The following EPN2 variants were observed in gnomAD, a reference collection of about 807,000 sequenced individuals.
EPN2 encodes the protein epsin 2.
Under a neutral mutation model 61.7 loss-of-function variants are expected in EPN2, and 34 were observed. The ratio of observed to expected loss-of-function variants is 0.55; its 90% CI spans 0.42 to 0.73. The LOEUF (loss-of-function observed/expected upper bound fraction) is 0.73, where lower values mean the gene tolerates loss of function less well. Ranked by LOEUF, EPN2 falls within the 30% of genes least tolerant of loss-of-function variation. EPN2 has a pLI of 0.00. For missense variants in EPN2, 714 were observed against 839.2 expected (o/e 0.85, Z 1.84); for synonymous variants, 349 against 353.6 (o/e 0.99, Z 0.15).
intron 7 of EPN2, among the ~76,000 whole-genome samples, chr17:19,321,435 G>A (rs1041672701): frequency 6.6e-6 from 1 of 152,166 alleles, no homozygotes; most frequent in East Asian, 1.9e-4. Context: ...ACTGGAGTTG[G>A]GGACACTTTG....
In EPN2 at chr17:19,328,893, C is replaced by T. The variant is rs1907028617; in HGVS notation, c.1324+6C>T. ...CAAGCCCGTGTCTGTCTCTGGTGAG[C>T]CCCTCACTCACCCACTTTCCTGCCT... On this transcript the variant is annotated splice_donor_region_variant and intron_variant, in intron 8 of 10. Coordinates refer to ENST00000314728, the MANE Select transcript of EPN2 (RefSeq NM_014964.5). 5.0e-6 allele frequency: 8 copies of T among 1,602,180 alleles called. No homozygotes were observed. The highest frequency in any genetic ancestry group is 1.3e-5 in the African/African-American group (1 of 74,746).
At chr17:19,270,263 C>G (rs1344581549) in intron 1 of EPN2, among the ~76,000 whole-genome samples, 5 of 152,244 alleles carry the variant, frequency 3.3e-5, no homozygotes, top group African/African-American at 9.6e-5. Flanking sequence ...TCTTACTGCT[C>G]TTTTAATTCT....
At chr17:19,259,937 A>G (rs976978826) in intron 1 of EPN2, among the ~76,000 whole-genome samples, 1 of 152,080 alleles carries the variant, frequency 6.6e-6, no homozygotes, top group Admixed American at 6.6e-5. Flanking sequence ...CCTGTTGCAT[A>G]CCCACCTCGT....
intron 2 of EPN2, chr17:19,282,286 T>TTAG (rs1490823306): frequency 2.0e-5 from 3 of 152,194 alleles, no homozygotes; most frequent in Admixed American, 2.0e-4. Flanking sequence ...AGAATTGCTG[T>TTAG]TAGGAATCTT....
chr17:19,244,726 C>T (rs947540878), intron 1 of EPN2, among the ~76,000 whole-genome samples: 1 of 151,882 alleles, frequency 6.6e-6, no homozygotes. Context: ...TTCCTGTGTG[C>T]GAGGCCTTAT....
chr17:19,334,360 G>T lies in EPN2; in HGVS notation c.*106G>T. 1.1e-6 allele frequency: 1 copy of T among 903,764 alleles called. No homozygotes were observed. The highest frequency in any genetic ancestry group is 3.2e-5 in the East Asian group (1 of 31,194). The allele number at this position is 903,764 out of a possible 1,614,324, so 56.0% of individuals were successfully genotyped here. ...GAGTTTGGGGATTAGGGGTATTAGG[G>T]CTTTTCAGCTCCAGCTTCCTGATGA... On this transcript the variant is annotated 3_prime_UTR_variant, in exon 11 of 11. Transcript: ENST00000314728. The surrounding 1 kb of genome is among the most constrained non-coding windows in gnomAD (Gnocchi z 4.9).
chr17:19,283,319 A>G lies in EPN2; in HGVS notation c.200A>G (p.His67Arg). 6.2e-7 allele frequency: 1 copy of G among 1,614,144 alleles called. No individual in the cohort carries two copies. Among genetic ancestry groups the G allele is most frequent in the Non-Finnish European group, 8.5e-7 (1 of 1,180,014 alleles). The change falls in exon 3 of 11, where the codon CAT becomes CGT. Residue 67 changes from histidine to arginine, a missense_variant. Physicochemically the swap from His to Arg is conservative, Grantham distance 29 (BLOSUM62 0). Around this residue, in one of 2 missense-constraint regions of EPN2, gnomAD observed 304 missense variants for 417.4 expected, o/e 0.73. Transcript: ENST00000314728. The surrounding 1 kb of genome is among the most constrained non-coding windows in gnomAD (Gnocchi z 7.0). ...ATGGTGTGGAAGCGGCTGAATGACC[A>G]TGGCAAGAACTGGCGGCATGTGTAC... Reference protein sequence around the residue: ...MSMVWKRLNDHGKNWRHVYKA... With the variant: ...MSMVWKRLNDRGKNWRHVYKA...
At chr17:19,256,419 CAAAAAAAAA>C (rs61210278) in intron 1 of EPN2, among the ~76,000 whole-genome samples, 2 of 67,974 alleles carry the variant, frequency 2.9e-5, no homozygotes, top group African/African-American at 4.9e-5. Context: ...GACCCTGTCT[CAAAAAAAAA>C]AAAAAAAAAA....
intron 1 of EPN2, among the ~76,000 whole-genome samples, chr17:19,252,934 A>C (rs889523304): frequency 6.6e-6 from 1 of 152,178 alleles, no homozygotes; most frequent in Admixed American, 6.5e-5. Flanking sequence ...TGAGTGCAAG[A>C]GATCTGCCTG....
intron 1 of EPN2, among the ~76,000 whole-genome samples, chr17:19,266,786 A>G (rs113252380): frequency 6.6e-5 from 10 of 152,140 alleles, no homozygotes; most frequent in East Asian, 3.9e-4. Context: ...ATGTCCATCA[A>G]CTGATGAATG....
At chr17:19,250,871 A>G (rs566058326) in intron 1 of EPN2, among the ~76,000 whole-genome samples, 10 of 138,684 alleles carry the variant, frequency 7.2e-5, no homozygotes, top group East Asian at 2.3e-4. Flanking sequence ...TACTGCCTCT[A>G]TACCCTTTCC....
intron 7 of EPN2, among the ~76,000 whole-genome samples, chr17:19,315,546 G>C (rs182218409): frequency 6.6e-6 from 1 of 152,106 alleles, no homozygotes; most frequent in Non-Finnish European, 1.5e-5. Context: ...GAGTGCAGTG[G>C]CACCATCTTA....
At chr17:19,303,800 C>T (rs1236132004) in intron 4 of EPN2, 1 of 151,976 alleles carries the variant, frequency 6.6e-6, no homozygotes, top group Non-Finnish European at 1.5e-5. Context: ...TATATATGTT[C>T]CTGTTAAATA....
intron 1 of EPN2, among the ~76,000 whole-genome samples, chr17:19,245,390 A>G (rs2152199667): frequency 6.6e-6 from 1 of 151,752 alleles, no homozygotes; most frequent in South Asian, 2.1e-4. Context: ...TACTTTGTTA[A>G]AAGGGGGTCA....
chr17:19,277,690 G>A (rs1034491787), intron 1 of EPN2, among the ~76,000 whole-genome samples: 3 of 152,164 alleles, frequency 2.0e-5, no homozygotes, highest in Non-Finnish European at 4.4e-5. Context: ...CATGGCCCAC[G>A]CATCATGGGC....
In EPN2 at chr17:19,242,698, T is replaced by C. The variant is rs147564276; in HGVS notation, c.-294+5167T>C. 1.2e-4 allele frequency among the ~76,000 whole-genome samples: 18 copies of C among 152,322 alleles called. No homozygotes were observed. The East Asian group carries it at 2.5e-3, about 21-fold the overall frequency. On this transcript the variant is annotated intron_variant, in intron 1 of 10. Coordinates refer to ENST00000314728, the MANE Select transcript of EPN2 (RefSeq NM_014964.5). ...TCAAAGCAATACAAGGAATTGGACA[T>C]GCAAAGGGCTGTAAATAAAGGGACT... is the stretch of plus-strand genomic sequence containing the variant.
intron 10 of EPN2, among the ~76,000 whole-genome samples, chr17:19,332,638 C>T (rs925655791): frequency 1.3e-5 from 2 of 152,198 alleles, no homozygotes; most frequent in Non-Finnish European, 2.9e-5. Flanking sequence ...GCATGAAACC[C>T]TTGTGACATC....
At chr17:19,246,483 G>A (rs944825367) in intron 1 of EPN2, among the ~76,000 whole-genome samples, 2 of 152,102 alleles carry the variant, frequency 1.3e-5, no homozygotes, top group Non-Finnish European at 2.9e-5. Context: ...TGGGGTGTGA[G>A]CATTTTCCCA....
chr17:19,324,772 T>C (rs546150110), intron 7 of EPN2, among the ~76,000 whole-genome samples: 22 of 152,272 alleles, frequency 1.4e-4, no homozygotes, highest in African/African-American at 5.1e-4. Flanking sequence ...AAAAGGAAAT[T>C]ATAAGGATAA....
Sources: gnomAD v4.1 joint callset for allele counts (sites outside exome capture counted in the v4.1 genomes callset) on GRCh38, gnomAD v4.1.1 for gene constraint, gnomAD v4.1.1 regional missense constraint, Gnocchi (gnomAD v3.1) non-coding constraint, MANE v1.5 for transcripts, NCBI Gene and HGNC (gene_info 2026-07-23, HGNC 2026-07-21) for gene names.